The following ZMIZ1 variants were observed in gnomAD, a reference collection of about 807,000 sequenced individuals.
The protein encoded by ZMIZ1 is zinc finger MIZ-type containing 1, also known as zinc finger MIZ domain-containing protein 1.
ZMIZ1 carries 17 observed loss-of-function variants against 113.9 expected under a neutral mutation model. The observed-to-expected ratio is 0.15, with a 90% CI of 0.10 to 0.22. The LOEUF is 0.22. Among genes scored for constraint, ZMIZ1 ranks in the 10% least tolerant of loss-of-function variants. The probability of loss-of-function intolerance (pLI) is 1.00; values close to 1 mark genes in which losing one functional copy is unlikely to be tolerated. For synonymous variants in ZMIZ1, 607 were observed against 603.1 expected (o/e 1.01, Z -0.09); for missense variants, 1,059 against 1,477.8 (o/e 0.72, Z 4.65).
intron 2 of ZMIZ1, among the ~76,000 whole-genome samples, chr10:79,124,788 C>A (rs902213660): frequency 2.6e-5 from 4 of 152,152 alleles, no homozygotes; most frequent in African/African-American, 9.7e-5. Context: ...AACTGGGTGG[C>A]ATGGGTCAGG....
At chr10:79,180,022 A>G (rs1402622191) in intron 4 of ZMIZ1, among the ~76,000 whole-genome samples, 1 of 152,182 alleles carries the variant, frequency 6.6e-6, no homozygotes, top group Non-Finnish European at 1.5e-5. Context: ...TCTGTCTCCT[A>G]TCCACCTGTC....
At chr10:79,220,802 A>G (rs1278033991) in intron 7 of ZMIZ1, among the ~76,000 whole-genome samples, 1 of 151,684 alleles carries the variant, frequency 6.6e-6, no homozygotes, top group African/African-American at 2.4e-5. Flanking sequence ...TGGGGAGAGT[A>G]TGTGGCTTTG....
At chr10:79,165,976 G>GCAGCTCAGC (rs1564692835) in intron 4 of ZMIZ1, among the ~76,000 whole-genome samples, 3 of 150,456 alleles carry the variant, frequency 2.0e-5, no homozygotes, top group African/African-American at 7.4e-5. Context: ...GTGTGTGTGT[G>GCAGCTCAGC]TGTGTGTGTG....
chr10:79,279,614 G>C lies in ZMIZ1; in HGVS notation c.425+2289G>C, dbSNP rs180888431. ...GCACTTTGGGAGGCCAAGGCAGGCA[G>C]CTGGGAGGTGGAGATTGTAGCGAGC... is the stretch of plus-strand genomic sequence containing the variant. On this transcript the variant is annotated intron_variant, in intron 8 of 24. Transcript: ENST00000334512. Among the ~76,000 whole-genome samples, 492 of 152,348 alleles carry C rather than the reference G, an allele frequency of 3.2e-3. 2 individuals are homozygous for C. The highest frequency in any genetic ancestry group is 0.011 in the African/African-American group (466 of 41,560).
At position 79,289,784 on chromosome 10, in the gene ZMIZ1, G is replaced by A. The variant is rs1138892; in HGVS notation, c.435G>A (p.Ser145=). The change falls in exon 9 of 25, where the codon TCG becomes TCA. Residue 145 remains serine, a synonymous_variant. Transcript: ENST00000334512. The stretch of plus-strand genomic sequence containing the variant: ...CTGTCTCCCTCTGCAGTGATGGGTC[G>A]TTCCCCTATGACTCTGTCCCTTGGC... The part of the protein sequence containing the change: ...MKPTLSHSDG[S]FPYDSVPWQQ... The A allele has an allele frequency of 9.5e-4, 1,536 of 1,613,800 alleles. 17 individuals carry two copies. The African/African-American group carries it at 0.017, about 17-fold the overall frequency.
At chr10:79,151,356 A>C (rs1845703386) in intron 3 of ZMIZ1, among the ~76,000 whole-genome samples, 1 of 152,100 alleles carries the variant, frequency 6.6e-6, no homozygotes, top group Admixed American at 6.5e-5. Flanking sequence ...CCTTTGAATC[A>C]GCCTTTTCCC....
chr10:79,201,824 G>T, intron 5 of ZMIZ1, 132 bp downstream of exon 5: 3 of 966,362 alleles, frequency 3.1e-6, no homozygotes. Context: ...GCCGTTATTG[G>T]CATGCTGGCA....
At chr10:79,261,494 CAGGG>C (rs1350941026) in intron 7 of ZMIZ1, among the ~76,000 whole-genome samples, 2 of 152,192 alleles carry the variant, frequency 1.3e-5, no homozygotes, top group Non-Finnish European at 2.9e-5. Context: ...GGAAGAGAAA[CAGGG>C]AGCCTGGCCT....
At chr10:79,108,323 G>A (rs1034345979) in intron 1 of ZMIZ1, among the ~76,000 whole-genome samples, 1 of 152,168 alleles carries the variant, frequency 6.6e-6, no homozygotes, top group Non-Finnish European at 1.5e-5. Flanking sequence ...CATCCGAGGT[G>A]GAGCTAGGTA....
At chr10:79,312,571 C>T in intron 24 of ZMIZ1, 71 bp from the exon 25 acceptor site, 1 of 1,543,884 alleles carries the variant, frequency 6.5e-7, no homozygotes, top group South Asian at 1.1e-5. Context: ...CCAGGGCGCC[C>T]CTGCATTCCT....
At chr10:79,300,968 G>T (rs753312289) in intron 17 of ZMIZ1, 26 bp downstream of exon 17, 1 of 1,603,462 alleles carries the variant, frequency 6.2e-7, no homozygotes, top group South Asian at 1.1e-5. Flanking sequence ...CAGGGGCAGC[G>T]TTGGCACAGG....
intron 1 of ZMIZ1, among the ~76,000 whole-genome samples, chr10:79,072,220 G>A (rs1842312020): frequency 6.6e-6 from 1 of 152,176 alleles, no homozygotes; most frequent in African/African-American, 2.4e-5. Context: ...ATGAAGAAAG[G>A]TCCAGAGACT....
intron 8 of ZMIZ1, among the ~76,000 whole-genome samples, chr10:79,278,181 G>C (rs1425152053): frequency 6.6e-6 from 1 of 152,196 alleles, no homozygotes; most frequent in Non-Finnish European, 1.5e-5. Context: ...AGCTGGAAAG[G>C]ACCTTAGTGC....
At chr10:79,222,585 ATGTC>A (rs753549024) in intron 7 of ZMIZ1, among the ~76,000 whole-genome samples, 1 of 152,194 alleles carries the variant, frequency 6.6e-6, no homozygotes, top group Non-Finnish European at 1.5e-5. Context: ...GCCATGGGAA[ATGTC>A]AGCAGATCAC....
intron 2 of ZMIZ1, among the ~76,000 whole-genome samples, chr10:79,123,182 T>C (rs1470459171): frequency 1.3e-5 from 2 of 152,134 alleles, no homozygotes; most frequent in Non-Finnish European, 2.9e-5. Flanking sequence ...TGACAAACTG[T>C]TCCATATGGC....
At position 79,274,943 on chromosome 10, in the gene ZMIZ1, G is replaced by A. The variant is rs189818575; in HGVS notation, c.281-2238G>A. Among the ~76,000 whole-genome samples the A allele has an allele frequency of 1.2e-4, 18 of 152,366 alleles. No homozygotes were observed. In the East Asian group the frequency reaches 3.3e-3, roughly 28 times the overall value. ...CTGCATGGCAGGCCAGCCCCCAGGA[G>A]GAGCGAGGGCTGCGAGGGGTGGGGC... On this transcript the variant is annotated intron_variant, in intron 7 of 24. Transcript: ENST00000334512.
chr10:79,302,122 C>T lies in ZMIZ1; in HGVS notation c.2035C>T (p.Leu679=). 1 of 1,614,008 alleles carries T rather than the reference C, an allele frequency of 6.2e-7. No individual in the cohort carries two copies. The highest frequency in any genetic ancestry group is 8.5e-7 in the Non-Finnish European group (1 of 1,180,020). ...CTCCCCGCAGTCCCACCTCTTCGTGCTGCAGCTGGTACACCGGCCCTCCGT... is the reference window on the plus strand; with the variant it reads ...CTCCCCGCAGTCCCACCTCTTCGTGTTGCAGCTGGTACACCGGCCCTCCGT... ...TACCCSHLFV[L]QLVHRPSVRS... is the part of the protein sequence containing the mutation. The change falls in exon 18 of 25, where the codon CTG becomes TTG. Residue 679 remains leucine (L), a synonymous_variant. Transcript: ENST00000334512.
rs1039066536 is a variant in ZMIZ1, at chr10:79,305,087, T to C, written c.2287-77T>C. On this transcript the variant is annotated intron_variant, in intron 19 of 24. Transcript: ENST00000334512. ...ATCTTTCTCTCTGGTGGGGAAGTTATTCCAAGGGTCCCTGAGGCACATCTA... is the reference window on the plus strand; with the variant it reads ...ATCTTTCTCTCTGGTGGGGAAGTTACTCCAAGGGTCCCTGAGGCACATCTA... 2.6e-6 allele frequency: 4 copies of C among 1,538,146 alleles called. No homozygotes were observed. In the Admixed American group the frequency reaches 6.7e-5, roughly 26 times the overall value.
At chr10:79,198,958 T>C (rs1281071937) in intron 4 of ZMIZ1, among the ~76,000 whole-genome samples, 1 of 150,536 alleles carries the variant, frequency 6.6e-6, no homozygotes, top group African/African-American at 2.5e-5. Context: ...CACTTGAACC[T>C]GGGAGGCGGA....
Sources: allele counts gnomAD v4.1 joint callset (sites outside exome capture counted in the v4.1 genomes callset), GRCh38; gene constraint gnomAD v4.1.1; transcripts MANE v1.5; gene names NCBI Gene and HGNC (gene_info 2026-07-23, HGNC 2026-07-21).